The following ROBO2 variants were observed in gnomAD, a reference collection of about 807,000 sequenced individuals.
ROBO2 encodes the protein roundabout homolog 2.
In ROBO2, 53 loss-of-function variants were observed where a neutral mutation model predicts 160.8. That is an observed-to-expected ratio of 0.33 (90% CI 0.26 to 0.41). ROBO2 has a LOEUF of 0.41. Among genes scored for constraint, ROBO2 ranks in the 10% least tolerant of loss-of-function variants. ROBO2 has a pLI of 1.00. For missense variants in ROBO2, 1,577 were observed against 1,722.4 expected (o/e 0.92, Z 1.49); for synonymous variants, 664 against 611.7 (o/e 1.09, Z -1.26).
chr3:76,949,210 C>T (rs1468123672), intron 2 of ROBO2, among the ~76,000 whole-genome samples: 3 of 151,874 alleles, frequency 2.0e-5, no homozygotes, highest in South Asian at 4.1e-4. Flanking sequence ...GTTAATTCTG[C>T]CGTATGCTGT....
intron 2 of ROBO2, among the ~76,000 whole-genome samples, chr3:77,261,108 C>T (rs922076183): frequency 3.9e-5 from 6 of 152,076 alleles, no homozygotes; most frequent in East Asian, 3.9e-4. Flanking sequence ...GTGAAGATAG[C>T]GTATGGGAAA....
chr3:76,810,868 A>G (rs371300271), intron 2 of ROBO2, among the ~76,000 whole-genome samples: 27 of 152,290 alleles, frequency 1.8e-4, no homozygotes, highest in African/African-American at 6.5e-4. Flanking sequence ...TTTGGAGAAG[A>G]TAGATAATTC....
At chr3:77,169,906 G>A (rs929239617) in intron 2 of ROBO2, among the ~76,000 whole-genome samples, 9 of 152,104 alleles carry the variant, frequency 5.9e-5, no homozygotes, top group Non-Finnish European at 1.0e-4. Context: ...GGGGTCTCTG[G>A]GGGGTGGGAT....
At chr3:76,871,416 T>C (rs924554797) in intron 2 of ROBO2, among the ~76,000 whole-genome samples, 7 of 149,642 alleles carry the variant, frequency 4.7e-5, no homozygotes, top group African/African-American at 1.2e-4. Flanking sequence ...TAGCCGGGCG[T>C]AGTGGCGGGC....
chr3:76,355,415 G>T (rs7632245), intron 2 of ROBO2, among the ~76,000 whole-genome samples: 151,681 of 151,818 alleles, frequency 1, 75,772 homozygotes, highest in Non-Finnish European at 1. Flanking sequence ...ATAATCTTCA[G>T]TTTTGGCTGA....
chr3:76,761,626 T>C (rs1305349164), intron 2 of ROBO2, among the ~76,000 whole-genome samples: 3 of 151,796 alleles, frequency 2.0e-5, no homozygotes, highest in Non-Finnish European at 4.4e-5. Context: ...TGTTATGTCT[T>C]CTCACCTAAA....
At chr3:77,349,728 C>T (rs941398672) in intron 2 of ROBO2, among the ~76,000 whole-genome samples, 2 of 152,138 alleles carry the variant, frequency 1.3e-5, no homozygotes, top group Non-Finnish European at 2.9e-5. Context: ...TTCACAGATA[C>T]ATCAGACTCT....
chr3:76,109,541 C>A (rs992348531), intron 2 of ROBO2, among the ~76,000 whole-genome samples: 2 of 152,066 alleles, frequency 1.3e-5, no homozygotes, highest in African/African-American at 4.8e-5. Context: ...CACACGTAAT[C>A]ATTTACTGAG....
chr3:76,884,511 C>G (rs1417890818), intron 2 of ROBO2, among the ~76,000 whole-genome samples: 1 of 152,120 alleles, frequency 6.6e-6, no homozygotes. Flanking sequence ...TGCACAGAGG[C>G]CAGCTGGTAT....
At chr3:77,404,154 A>G (rs1035590959) in intron 2 of ROBO2, among the ~76,000 whole-genome samples, 7 of 152,194 alleles carry the variant, frequency 4.6e-5, no homozygotes, top group Non-Finnish European at 8.8e-5. Flanking sequence ...TTTTTAAATA[A>G]GCATAGGGCA....
intron 2 of ROBO2, among the ~76,000 whole-genome samples, chr3:76,058,732 C>T (rs1431309314): frequency 6.7e-6 from 1 of 149,512 alleles, no homozygotes; most frequent in Non-Finnish European, 1.5e-5. Flanking sequence ...ATGTGCCATG[C>T]TGGTGTGCTG....
chr3:76,222,927 G>A (rs1034105769), intron 2 of ROBO2, among the ~76,000 whole-genome samples: 13 of 151,858 alleles, frequency 8.6e-5, no homozygotes, highest in African/African-American at 2.7e-4. Context: ...GCTAACTTTT[G>A]TATTTTTAGT....
At chr3:77,035,521 C>A (rs934721756), upstream of ROBO2, among the ~76,000 whole-genome samples, 7 of 151,824 alleles carry the variant, frequency 4.6e-5, no homozygotes, top group African/African-American at 1.7e-4. Flanking sequence ...AGAGAAAACT[C>A]TTTTAAATGA....
At chr3:76,231,830 G>A (rs978075407) in intron 2 of ROBO2, among the ~76,000 whole-genome samples, 3 of 152,092 alleles carry the variant, frequency 2.0e-5, no homozygotes, top group African/African-American at 4.8e-5. Context: ...TGGTATTCAG[G>A]CAGCAACACG....
intron 2 of ROBO2, among the ~76,000 whole-genome samples, chr3:77,185,995 A>C (rs1039230633): frequency 3.3e-5 from 5 of 151,960 alleles, no homozygotes; most frequent in African/African-American, 1.2e-4. Flanking sequence ...GCAAAGGCAT[A>C]AGAATGACAC....
chr3:77,043,831 T>C (rs2064343487), intron 1 of ROBO2, among the ~76,000 whole-genome samples: 1 of 152,194 alleles, frequency 6.6e-6, no homozygotes, highest in African/African-American at 2.4e-5. Flanking sequence ...GTTTTTCTCA[T>C]CTTTACCCTT....
At chr3:76,746,301 C>T (rs942342322) in intron 2 of ROBO2, among the ~76,000 whole-genome samples, 12 of 151,626 alleles carry the variant, frequency 7.9e-5, no homozygotes, top group African/African-American at 2.7e-4. Flanking sequence ...CATACGTGTG[C>T]GTGTGTCTTT....
intron 1 of ROBO2, among the ~76,000 whole-genome samples, chr3:75,931,598 C>G (rs928472279): frequency 6.6e-6 from 1 of 152,088 alleles, no homozygotes; most frequent in Admixed American, 6.6e-5. Flanking sequence ...GTGATTCATC[C>G]GCCTTGGCCT....
chr3:77,179,756 C>G (rs1222494372), intron 2 of ROBO2, among the ~76,000 whole-genome samples: 2 of 151,944 alleles, frequency 1.3e-5, no homozygotes, highest in Non-Finnish European at 2.9e-5. Context: ...ATAAACAAAA[C>G]AGAAACAAAG....
Sources: allele counts gnomAD v4.1 joint callset (sites outside exome capture counted in the v4.1 genomes callset), GRCh38; gene constraint gnomAD v4.1.1; transcripts MANE v1.5; gene names NCBI Gene and HGNC (gene_info 2026-07-23, HGNC 2026-07-21).